Variants in SLC12A8 observed in about 807,000 individuals in gnomAD.
SLC12A8 encodes cation-chloride cotransporter 9.
SLC12A8 carries 69 observed loss-of-function variants against 75.6 expected under a neutral mutation model. That is an observed-to-expected ratio of 0.91 (90% CI 0.75 to 1.11). SLC12A8 has a LOEUF of 1.11. Among genes scored for constraint, SLC12A8 ranks in the 50% most tolerant of loss-of-function variants. The pLI is 0.00. For synonymous variants in SLC12A8, 365 were observed against 372.8 expected (o/e 0.98, Z 0.24); for missense variants, 877 against 896.7 (o/e 0.98, Z 0.28).
intron 4 of SLC12A8, among the ~76,000 whole-genome samples, chr3:125,184,263 G>T (rs9860000): frequency 1.3e-5 from 2 of 152,072 alleles, no homozygotes; most frequent in East Asian, 3.9e-4. Flanking sequence ...GAGCAACCAC[G>T]CCCGACCTGC....
intron 5 of SLC12A8, among the ~76,000 whole-genome samples, chr3:125,143,585 A>G (rs990905517): frequency 2.6e-5 from 4 of 152,212 alleles, no homozygotes; most frequent in African/African-American, 9.6e-5. Flanking sequence ...GGGCATTCCA[A>G]CAGTGGCCAG....
At chr3:125,146,083 G>C (rs1388003665) in intron 5 of SLC12A8, among the ~76,000 whole-genome samples, 1 of 152,208 alleles carries the variant, frequency 6.6e-6, no homozygotes, top group Non-Finnish European at 1.5e-5. Context: ...TCCCACCTCA[G>C]CCTCCCAAAG....
intron 5 of SLC12A8, among the ~76,000 whole-genome samples, chr3:125,149,037 A>G (rs1933855610): frequency 6.6e-6 from 1 of 152,166 alleles, no homozygotes; most frequent in Non-Finnish European, 1.5e-5. Flanking sequence ...CGGAACTCCC[A>G]GCTGCTCAGG....
rs376672447 is a variant in SLC12A8, at chr3:125,135,796, A to G, written c.623-14T>C. 88 of 1,507,784 alleles carry G rather than the reference A, an allele frequency of 5.8e-5. No individual in the cohort carries two copies. In the African/African-American group the frequency reaches 1.1e-3, roughly 18 times the overall value. 93.4% of individuals were successfully genotyped at this position (1,507,784 alleles called of 1,614,324 possible). A position where few individuals can be genotyped will look rare whatever the true frequency, so the allele number is the denominator to read the frequency against. Reference sequence around the variant, plus strand: ...TGAAACCATGTTCTGAAATAAAGCAATGGAGAGCAACGTAAGCCCAGTGAG... The same window carrying G: ...TGAAACCATGTTCTGAAATAAAGCAGTGGAGAGCAACGTAAGCCCAGTGAG... On this transcript the variant is annotated splice_polypyrimidine_tract_variant and intron_variant, in intron 5 of 13. Coordinates refer to ENST00000469902, the MANE Select transcript of SLC12A8 (RefSeq NM_024628.6).
intron 5 of SLC12A8, among the ~76,000 whole-genome samples, chr3:125,176,449 G>A (rs1934529577): frequency 6.6e-6 from 1 of 152,048 alleles, no homozygotes; most frequent in South Asian, 2.1e-4. Context: ...CAAAAGCAAT[G>A]GCAACAAAAG....
intron 8 of SLC12A8, among the ~76,000 whole-genome samples, chr3:125,117,326 C>T (rs1939336561): frequency 6.6e-6 from 1 of 151,874 alleles, no homozygotes; most frequent in African/African-American, 2.4e-5. Flanking sequence ...GGGGCTCATG[C>T]CTGTAATCCC....
chr3:125,125,389 G>A (rs1006361276), intron 6 of SLC12A8, among the ~76,000 whole-genome samples: 15 of 151,936 alleles, frequency 9.9e-5, no homozygotes, highest in African/African-American at 3.1e-4. Context: ...GAAACCCCGC[G>A]TCTACTAAAA....
chr3:125,083,806 TG>T lies in SLC12A8; in HGVS notation c.*83del, dbSNP rs1419928391. The T allele has an allele frequency of 2.2e-6, 3 of 1,352,996 alleles. No individual in the cohort carries two copies. Among genetic ancestry groups the T allele is most frequent in the Non-Finnish European group, 3.0e-6 (3 of 984,598 alleles). The allele number at this position is 1,352,996 out of a possible 1,614,324, so 83.8% of individuals were successfully genotyped here. On this transcript the variant is annotated 3_prime_UTR_variant, in exon 14 of 14. Coordinates refer to ENST00000469902, the MANE Select transcript of SLC12A8 (RefSeq NM_024628.6). ...AGGATGGGTCTTGAGTTTCTCAGGT[TG>T]GAGAAGCAGCTCCACGAAGGTCCTG...
chr3:125,097,566 G>GTGTGTGTGTT (rs1166171660), intron 10 of SLC12A8, among the ~76,000 whole-genome samples: 2 of 148,708 alleles, frequency 1.3e-5, no homozygotes. Context: ...GTGTGTGTGT[G>GTGTGTGTGTT]TGTGTGTGTG....
chr3:125,177,643 T>G, intron 5 of SLC12A8, 100 bp downstream of exon 5: 2 of 885,056 alleles, frequency 2.3e-6, no homozygotes, highest in Non-Finnish European at 3.6e-6. Flanking sequence ...GTAAAGCCTA[T>G]GGGGGTTAGG....
At chr3:125,118,947 G>C in intron 7 of SLC12A8, 91 bp from the exon 8 acceptor site, 1 of 861,546 alleles carries the variant, frequency 1.2e-6, no homozygotes, top group Non-Finnish European at 1.9e-6. Flanking sequence ...TTTCCAAAGG[G>C]AACTTGTATC....
intron 5 of SLC12A8, among the ~76,000 whole-genome samples, chr3:125,164,099 A>T (rs1934236421): frequency 6.6e-6 from 1 of 152,140 alleles, no homozygotes; most frequent in Non-Finnish European, 1.5e-5. Flanking sequence ...AACAGTTTTA[A>T]CCAGGCATGA....
chr3:125,109,832 C>A (rs1939145355), intron 9 of SLC12A8, among the ~76,000 whole-genome samples: 1 of 152,160 alleles, frequency 6.6e-6, no homozygotes, highest in African/African-American at 2.4e-5. Flanking sequence ...CCAAAACACG[C>A]TTTCTTCTAT....
At chr3:125,208,747 TACACAC>T (rs61130966) in intron 2 of SLC12A8, among the ~76,000 whole-genome samples, 1,934 of 87,098 alleles carry the variant, frequency 0.022, 48 homozygotes, top group African/African-American at 0.055. Context: ...CTGACCAATC[TACACAC>T]ACACACACAC....
chr3:125,205,021 T>G (rs1935199453), intron 2 of SLC12A8, among the ~76,000 whole-genome samples: 1 of 152,042 alleles, frequency 6.6e-6, no homozygotes, highest in Non-Finnish European at 1.5e-5. Flanking sequence ...GACCACCTCC[T>G]CATCTAACTC....
chr3:125,208,789 C>CAGAGAG (rs1272180422), intron 2 of SLC12A8, among the ~76,000 whole-genome samples: 3 of 98,528 alleles, frequency 3.0e-5, no homozygotes, highest in South Asian at 3.9e-4. Context: ...CACACACACA[C>CAGAGAG]ACAGAGAGAG....
intron 4 of SLC12A8, among the ~76,000 whole-genome samples, chr3:125,185,369 A>AAG (rs532313296): frequency 0.026 from 3,964 of 151,982 alleles, 178 homozygotes; most frequent in African/African-American, 0.09. Flanking sequence ...TAAAAAAAAA[A>AAG]AAAGAAATGG....
chr3:125,120,720 A>T (rs1005928835), intron 6 of SLC12A8, 34 bp from the exon 7 acceptor site: 1 of 1,534,948 alleles, frequency 6.5e-7, no homozygotes, highest in African/African-American at 1.4e-5. Flanking sequence ...TGGGGTGAGC[A>T]GCCTCCTCCA....
chr3:125,192,384 A>G (rs1934925824), intron 2 of SLC12A8, among the ~76,000 whole-genome samples: 1 of 151,948 alleles, frequency 6.6e-6, no homozygotes, highest in Admixed American at 6.6e-5. Context: ...CCTGCCCCAC[A>G]CTCACCTAAA....
Sources: gnomAD v4.1 joint callset for allele counts (sites outside exome capture counted in the v4.1 genomes callset) on GRCh38, gnomAD v4.1.1 for gene constraint, MANE v1.5 for transcripts, NCBI Gene and HGNC (gene_info 2026-07-23, HGNC 2026-07-21) for gene names.